Variants in FAT3 observed in about 807,000 individuals in gnomAD.
The protein encoded by FAT3 is FAT atypical cadherin 3.
FAT3 carries 95 observed loss-of-function variants against 310.2 expected under a neutral mutation model. That is an observed-to-expected ratio of 0.31 (90% CI 0.26 to 0.36). FAT3 has a LOEUF of 0.36. Among genes scored for constraint, FAT3 ranks in the 10% least tolerant of loss-of-function variants. The pLI is 1.00. For synonymous variants in FAT3, 2,314 were observed against 2,192.9 expected, an observed-to-expected ratio of 1.06 and a Z score of -1.54; for missense variants, 5,408 against 5,715.6, an observed-to-expected ratio of 0.95 and a Z score of 1.74.
chr11:92,463,000 T>G (rs1205743101), intron 2 of FAT3, among the ~76,000 whole-genome samples: 1 of 152,202 alleles, frequency 6.6e-6, no homozygotes, highest in Admixed American at 6.5e-5. Context: ...GACTTGGCAA[T>G]TGTGCAAAGA....
chr11:92,625,753 T>G (rs920467549), intron 3 of FAT3, among the ~76,000 whole-genome samples: 5 of 142,526 alleles, frequency 3.5e-5, no homozygotes, highest in Admixed American at 7.0e-5. Context: ...TTTTTTTTTT[T>G]GAACAGGATA....
At position 92,293,183 on chromosome 11, in the gene FAT3, C is replaced by T. The variant is rs143693392; in HGVS notation, c.-17-58913C>T. Among the ~76,000 whole-genome samples the T allele has an allele frequency of 1.5e-3, 229 of 151,546 alleles. 2 individuals carry two copies. The highest frequency in any genetic ancestry group is 3.4e-3 in the Middle Eastern group (1 of 294). On this transcript the variant is annotated intron_variant, in intron 1 of 27. Coordinates refer to ENST00000525166, the MANE Select transcript of FAT3 (RefSeq NM_001367949.2). ...ACCTTAGCACGTAACCTCCCTGAGC[C>T]TTTTTGGTTTCCTATAAGAGGGTGG...
At chr11:92,764,825 T>C in intron 5 of FAT3, 54 bp from the exon 6 acceptor site, 1 of 1,544,548 alleles carries the variant, frequency 6.5e-7, no homozygotes, top group Non-Finnish European at 8.8e-7. Context: ...AGATCCAAAC[T>C]CTACAACAAT....
At chr11:92,570,512 C>T (rs2135501894) in intron 3 of FAT3, among the ~76,000 whole-genome samples, 1 of 152,248 alleles carries the variant, frequency 6.6e-6, no homozygotes, top group South Asian at 2.1e-4. Context: ...CTTGTATACC[C>T]ATCCTCCAGT....
intron 4 of FAT3, among the ~76,000 whole-genome samples, chr11:92,735,367 T>C (rs1945310715): frequency 1.3e-5 from 2 of 152,170 alleles, no homozygotes; most frequent in African/African-American, 4.8e-5. Flanking sequence ...GACAATGTCA[T>C]TTGCATTAAG....
rs186777411 is a variant in FAT3 at position 92,476,080 on chromosome 11, T to C, written c.3293-48554T>C. On this transcript the variant is annotated intron_variant, in intron 2 of 27. Coordinates refer to ENST00000525166, the MANE Select transcript of FAT3 (RefSeq NM_001367949.2). The stretch of plus-strand genomic sequence containing the variant: ...GTGAGTGTGTGAGTGTGTGTGTGTG[T>C]GCGTGTGTGTGTGTATACAAGTGTG... 9.8e-3 allele frequency among the ~76,000 whole-genome samples: 1,496 copies of C among 151,954 alleles called. 28 individuals carry two copies. Among genetic ancestry groups the C allele is most frequent in the African/African-American group, 0.034 (1,400 of 41,390 alleles).
chr11:92,352,716 G>T lies in FAT3; in HGVS notation c.604G>T (p.Asp202Tyr), dbSNP rs757624156. The change falls in exon 2 of 28, where the codon GAT (aspartate) becomes TAT (tyrosine). Residue 202 changes from aspartate to tyrosine, a missense_variant. This residue lies in a region of FAT3 where 4,588 missense variants were observed against 4,809.8 expected (regional missense o/e 0.95). Coordinates refer to ENST00000525166, the MANE Select transcript of FAT3 (RefSeq NM_001367949.2). ...CTACTACTACTTTAAAAATAAAGTTGATCTCTTTTCAGTTCACCCCACGAG... is the reference window on the plus strand; with the variant it reads ...CTACTACTACTTTAAAAATAAAGTTTATCTCTTTTCAGTTCACCCCACGAG... ...EFYYYFKNKV[D>Y]LFSVHPTSGV... The T allele has an allele frequency of 6.2e-7, 1 of 1,613,772 alleles. No homozygotes were observed. Among genetic ancestry groups the T allele is most frequent in the Non-Finnish European group, 8.5e-7 (1 of 1,179,858 alleles).
rs973888585 is a variant in FAT3, at chr11:92,892,820, G to A, written c.*1707G>A. On this transcript the variant is annotated 3_prime_UTR_variant, in exon 28 of 28. Transcript: ENST00000525166. Reference sequence around the variant, plus strand: ...ACCCTGGGATTCCCTTCTCATCTGTGGGCTTTGGCCATGATTTCCAAAATT... The same window carrying A: ...ACCCTGGGATTCCCTTCTCATCTGTAGGCTTTGGCCATGATTTCCAAAATT... 1 of 152,132 alleles carries A rather than the reference G, an allele frequency of 6.6e-6. No homozygotes were observed. Among genetic ancestry groups the A allele is most frequent in the African/African-American group, 2.4e-5 (1 of 41,400 alleles). The allele number at this position is 152,132 out of a possible 1,614,324, so 9.4% of individuals were successfully genotyped here. A position where few individuals can be genotyped will look rare whatever the true frequency, so the allele number is the denominator to read the frequency against.
intron 4 of FAT3, among the ~76,000 whole-genome samples, chr11:92,698,683 CA>C (rs144672446): frequency 2.0e-5 from 3 of 151,246 alleles, no homozygotes; most frequent in Admixed American, 6.6e-5. Flanking sequence ...TCCAGGCTGC[CA>C]AAAAAAATAA....
chr11:92,808,289 G>A (rs958743024), intron 12 of FAT3, among the ~76,000 whole-genome samples: 3 of 152,158 alleles, frequency 2.0e-5, no homozygotes, highest in African/African-American at 7.2e-5. Flanking sequence ...CATAAGGGGA[G>A]CTATATCTGG....
At chr11:92,700,972 A>G (rs1271468180) in intron 4 of FAT3, among the ~76,000 whole-genome samples, 1 of 152,178 alleles carries the variant, frequency 6.6e-6, no homozygotes, top group East Asian at 1.9e-4. Context: ...AATAAGTGAA[A>G]TGGTATCATT....
At chr11:92,658,094 T>A (rs554934211) in intron 3 of FAT3, among the ~76,000 whole-genome samples, 2 of 152,354 alleles carry the variant, frequency 1.3e-5, no homozygotes, top group South Asian at 4.1e-4. Context: ...ATGAATAAGA[T>A]ATTTTACATT....
At chr11:92,340,748 G>A (rs1056735064) in intron 1 of FAT3, among the ~76,000 whole-genome samples, 1 of 152,162 alleles carries the variant, frequency 6.6e-6, no homozygotes, top group Non-Finnish European at 1.5e-5. Context: ...GATTGAAGGG[G>A]TGACCTTGGT....
intron 2 of FAT3, among the ~76,000 whole-genome samples, chr11:92,518,237 C>G (rs1391262658): frequency 1.3e-5 from 2 of 152,094 alleles, no homozygotes; most frequent in African/African-American, 4.8e-5. Context: ...CAGCACTATT[C>G]ACAATAGCAA....
chr11:92,458,754 G>A (rs1951565081), intron 2 of FAT3, among the ~76,000 whole-genome samples: 1 of 152,168 alleles, frequency 6.6e-6, no homozygotes, highest in Admixed American at 6.5e-5. Flanking sequence ...AATGACAAGA[G>A]GCAGCACAAT....
At position 92,600,401 on chromosome 11, in the gene FAT3, T is replaced by A. The variant is rs1939958484; in HGVS notation, c.3607+75453T>A. On this transcript the variant is annotated intron_variant, in intron 3 of 27. Coordinates refer to ENST00000525166, the MANE Select transcript of FAT3 (RefSeq NM_001367949.2). ...ATCAGTTGGGGAGAGAAGACTTACGTTTCTACAAATGAAAAAGGACAAGTA... is the reference window on the plus strand; with the variant it reads ...ATCAGTTGGGGAGAGAAGACTTACGATTCTACAAATGAAAAAGGACAAGTA... 1.3e-5 allele frequency among the ~76,000 whole-genome samples: 2 copies of A among 152,190 alleles called. 1 individual carries two copies.
At chr11:92,488,806 G>A (rs1952511042) in intron 2 of FAT3, among the ~76,000 whole-genome samples, 1 of 152,090 alleles carries the variant, frequency 6.6e-6, no homozygotes, top group African/African-American at 2.4e-5. Flanking sequence ...AAAAGCACGG[G>A]CACTGAAATC....
intron 3 of FAT3, among the ~76,000 whole-genome samples, chr11:92,655,488 A>T (rs1336196144): frequency 6.6e-6 from 1 of 152,330 alleles, no homozygotes. Flanking sequence ...TTGGCAGGAC[A>T]GAAGGTAATC....
chr11:92,561,597 TTATC>T (rs1319350399), intron 3 of FAT3, among the ~76,000 whole-genome samples: 2 of 151,994 alleles, frequency 1.3e-5, no homozygotes, highest in African/African-American at 4.8e-5. Flanking sequence ...GATTCTTTTA[TTATC>T]TATTTATTTA....
Sources: allele counts gnomAD v4.1 joint callset (sites outside exome capture counted in the v4.1 genomes callset), GRCh38; gene constraint gnomAD v4.1.1; regional missense constraint gnomAD v4.1.1; transcripts MANE v1.5; gene names NCBI Gene and HGNC (gene_info 2026-07-23, HGNC 2026-07-21).